COL14A1: variants seen among roughly 807,000 people sequenced by gnomAD.
The protein encoded by COL14A1 is collagen alpha-1(XIV) chain.
COL14A1 carries 136 observed loss-of-function variants against 230.3 expected under a neutral mutation model. That is an observed-to-expected ratio of 0.59 (90% CI 0.51 to 0.68). The LOEUF (loss-of-function observed/expected upper bound fraction) is 0.68, where lower values mean the gene tolerates loss of function less well. Among genes scored for constraint, COL14A1 ranks in the 30% least tolerant of loss-of-function variants. The pLI, the probability that COL14A1 is intolerant of heterozygous loss-of-function variation, is 0.00. For missense variants in COL14A1, 1,976 were observed against 2,215.8 expected, an observed-to-expected ratio of 0.89 and a Z score of 2.17; for synonymous variants, 792 against 784.1, an observed-to-expected ratio of 1.01 and a Z score of -0.17.
At chr8:120,313,290 C>T (rs530381599) in intron 37 of COL14A1, among the ~76,000 whole-genome samples, 32 of 152,028 alleles carry the variant, frequency 2.1e-4, no homozygotes, top group Admixed American at 1.4e-3. Flanking sequence ...AACCTGGGAG[C>T]GGGAGGTTGC....
At chr8:120,291,473 T>A (rs1389146949) in intron 34 of COL14A1, among the ~76,000 whole-genome samples, 1 of 149,714 alleles carries the variant, frequency 6.7e-6, no homozygotes, top group Non-Finnish European at 1.5e-5. Flanking sequence ...GGCAGGAGAA[T>A]TGCTTGACCC....
In COL14A1 at chr8:120,207,972, G is replaced by A. The variant is rs540874748; in HGVS notation, c.1192-260G>A. ...ACTGTTATTAAGTGGATGTAAATAGGATAATAATTAGCCTGGTATTGACAC... is the reference window on the plus strand; with the variant it reads ...ACTGTTATTAAGTGGATGTAAATAGAATAATAATTAGCCTGGTATTGACAC... On this transcript the variant is annotated intron_variant, in intron 10 of 47. Transcript: ENST00000297848. Among the ~76,000 whole-genome samples the A allele has an allele frequency of 2.0e-5, 3 of 152,164 alleles. No homozygotes were observed. In the East Asian group the frequency reaches 5.8e-4, roughly 29 times the overall value.
At position 120,225,083 on chromosome 8, in the gene COL14A1, G is replaced by C. The variant is rs1349156384; in HGVS notation, c.1738-5G>C. ...AGCTGTTATTATGACTTATTTCTTT[G>C]ACAGGTTGAAGTCGATCCTATTACT... is the stretch of plus-strand genomic sequence containing the variant. On this transcript the variant is annotated splice_region_variant and splice_polypyrimidine_tract_variant and intron_variant, in intron 14 of 47. Coordinates refer to ENST00000297848, the MANE Select transcript of COL14A1 (RefSeq NM_021110.4). 1 of 1,607,588 alleles carries C rather than the reference G, an allele frequency of 6.2e-7. No homozygotes were observed. Among genetic ancestry groups the C allele is most frequent in the Non-Finnish European group, 8.5e-7 (1 of 1,178,228 alleles).
rs538427092 is a variant in COL14A1 at position 120,238,256 on chromosome 8, C to G, written c.2350-5623C>G. Reference sequence around the variant, plus strand: ...TGTCACAGGGAGATGAGAGTTTTATCTAGAAACCCCTGACTGGGGCTGCTG... The same window carrying G: ...TGTCACAGGGAGATGAGAGTTTTATGTAGAAACCCCTGACTGGGGCTGCTG... On this transcript the variant is annotated intron_variant, in intron 19 of 47. Coordinates refer to ENST00000297848, the MANE Select transcript of COL14A1 (RefSeq NM_021110.4). Among the ~76,000 whole-genome samples, 42 of 152,194 alleles carry G rather than the reference C, an allele frequency of 2.8e-4. 1 individual carries two copies. The highest frequency in any genetic ancestry group is 5.7e-4 in the Non-Finnish European group (39 of 68,034).
intron 4 of COL14A1, among the ~76,000 whole-genome samples, chr8:120,166,533 C>T (rs13276675): frequency 0.24 from 36,459 of 152,062 alleles, 4,463 homozygotes; most frequent in South Asian, 0.27. Context: ...TAGTCTTTCC[C>T]AGAGCTATTT....
intron 22 of COL14A1, 132 bp from the exon 23 acceptor site, chr8:120,255,108 T>A (rs1819101217): frequency 1.4e-6 from 1 of 721,300 alleles, no homozygotes. Context: ...ACTAACTCAT[T>A]GTAAATTGAT....
intron 46 of COL14A1, among the ~76,000 whole-genome samples, chr8:120,368,543 T>G (rs1237703938): frequency 6.6e-6 from 1 of 150,942 alleles, no homozygotes. Context: ...AGAAATTCCA[T>G]TATAGTTGAA....
intron 23 of COL14A1, among the ~76,000 whole-genome samples, chr8:120,257,779 A>T (rs1251908882): frequency 6.6e-6 from 1 of 152,200 alleles, no homozygotes; most frequent in South Asian, 2.1e-4. Context: ...ATGTGTTGGA[A>T]TGAAGCTTTA....
intron 4 of COL14A1, among the ~76,000 whole-genome samples, chr8:120,165,546 A>G (rs1332242012): frequency 6.6e-6 from 1 of 152,224 alleles, no homozygotes; most frequent in Admixed American, 6.5e-5. Flanking sequence ...GTAGTACAGC[A>G]TGGTAGCTAT....
intron 9 of COL14A1, among the ~76,000 whole-genome samples, chr8:120,205,661 GGGGCT>G (rs1397370789): frequency 6.6e-6 from 1 of 152,040 alleles, no homozygotes; most frequent in African/African-American, 2.4e-5. Flanking sequence ...TAGATCTTGT[GGGGCT>G]GGGCTGGGCA....
intron 36 of COL14A1, among the ~76,000 whole-genome samples, chr8:120,307,631 G>A (rs915785115): frequency 6.6e-6 from 1 of 152,170 alleles, no homozygotes; most frequent in Non-Finnish European, 1.5e-5. Context: ...CAGTCACAGT[G>A]AGAATAAATG....
chr8:120,222,122 G>A (rs1563680472), intron 14 of COL14A1, among the ~76,000 whole-genome samples: 1 of 152,182 alleles, frequency 6.6e-6, no homozygotes, highest in Non-Finnish European at 1.5e-5. Flanking sequence ...CCTTGGGCAA[G>A]TTCCTTAATT....
intron 24 of COL14A1, 23 bp from the exon 25 acceptor site, chr8:120,266,804 T>A (rs762066124): frequency 6.2e-7 from 1 of 1,602,646 alleles, no homozygotes; most frequent in Non-Finnish European, 8.5e-7. Flanking sequence ...TGAACTGATG[T>A]CCTTTCTCCC....
At chr8:120,192,970 ACTT>A (rs1226621029) in intron 5 of COL14A1, among the ~76,000 whole-genome samples, 1 of 152,092 alleles carries the variant, frequency 6.6e-6, no homozygotes, top group Non-Finnish European at 1.5e-5. Flanking sequence ...AAAGTTTTTA[ACTT>A]CTTTGCCTTT....
intron 18 of COL14A1, among the ~76,000 whole-genome samples, chr8:120,229,241 C>T (rs1352340030): frequency 2.0e-5 from 3 of 147,378 alleles, no homozygotes; most frequent in African/African-American, 7.5e-5. Context: ...AGGTATATCT[C>T]CCAATGCTAT....
At chr8:120,194,176 C>G (rs537122828) in intron 5 of COL14A1, among the ~76,000 whole-genome samples, 3 of 152,204 alleles carry the variant, frequency 2.0e-5, no homozygotes, top group Non-Finnish European at 4.4e-5. Flanking sequence ...GGAGCCATTC[C>G]TATTCGGCCA....
chr8:120,350,882 C>T (rs1442476971), intron 45 of COL14A1, among the ~76,000 whole-genome samples: 66 of 151,454 alleles, frequency 4.4e-4, no homozygotes, highest in African/African-American at 8.5e-4. Context: ...CTGCACCAAG[C>T]GGACCTAATA....
At chr8:120,255,403 T>G in intron 23 of COL14A1, 47 bp downstream of exon 23, 2 of 1,380,006 alleles carry the variant, frequency 1.4e-6, no homozygotes, top group South Asian at 1.2e-5. Context: ...TTTGTGTATT[T>G]GATTCTTTGC....
intron 38 of COL14A1, among the ~76,000 whole-genome samples, chr8:120,314,456 G>A (rs893866196): frequency 6.6e-6 from 1 of 152,084 alleles, no homozygotes; most frequent in African/African-American, 2.4e-5. Context: ...TGGCATCAAA[G>A]TGCAGTTTAT....
Sources: gnomAD v4.1 joint callset for allele counts (sites outside exome capture counted in the v4.1 genomes callset) on GRCh38, gnomAD v4.1.1 for gene constraint, MANE v1.5 for transcripts, NCBI Gene and HGNC (gene_info 2026-07-23, HGNC 2026-07-21) for gene names.